The following PARL variants were observed in gnomAD, a reference collection of about 807,000 sequenced individuals.
The protein encoded by PARL is presenilin-associated rhomboid-like protein, mitochondrial.
A neutral mutation model predicts 51.6 loss-of-function variants in PARL; 44 were observed. The observed-to-expected ratio is 0.85, with a 90% CI of 0.67 to 1.10. PARL has a LOEUF of 1.10. Among genes scored for constraint, PARL ranks in the 50% least tolerant of loss-of-function variants. PARL has a pLI of 0.00. For missense variants in PARL, 441 were observed against 469.5 expected (o/e 0.94, Z 0.56); for synonymous variants, 172 against 164.0 (o/e 1.05, Z -0.37).
chr3:183,846,055 T>G (rs1319936657), intron 4 of PARL, among the ~76,000 whole-genome samples: 2 of 152,116 alleles, frequency 1.3e-5, no homozygotes, highest in Admixed American at 1.3e-4. Flanking sequence ...CTGCTTCCTC[T>G]GTCAGTTCCA....
At chr3:183,855,615 A>T (rs1031720399) in intron 4 of PARL, among the ~76,000 whole-genome samples, 2 of 152,226 alleles carry the variant, frequency 1.3e-5, no homozygotes, top group Non-Finnish European at 2.9e-5. Flanking sequence ...TGAAGTAATT[A>T]CACAACTTAT....
chr3:183,873,367 G>A (rs891301297), intron 1 of PARL, among the ~76,000 whole-genome samples: 18 of 151,896 alleles, frequency 1.2e-4, no homozygotes, highest in South Asian at 2.1e-4. Flanking sequence ...TTAGCTGGGC[G>A]TGGTGGCGCA....
chr3:183,871,545 A>C (rs946656471), intron 1 of PARL, among the ~76,000 whole-genome samples: 7 of 65,288 alleles, frequency 1.1e-4, no homozygotes, highest in South Asian at 4.7e-4. Context: ...CTTGGGGGGG[A>C]GGGGTGGGGA....
chr3:183,862,433 T>C (rs558210456), intron 4 of PARL, among the ~76,000 whole-genome samples: 3 of 150,634 alleles, frequency 2.0e-5, no homozygotes, highest in Non-Finnish European at 4.4e-5. Flanking sequence ...ATCCTGAATA[T>C]AGAAGGTACT....
At chr3:183,883,472 G>T in intron 1 of PARL, 1 of 312,718 alleles carries the variant, frequency 3.2e-6, no homozygotes, top group Non-Finnish European at 4.7e-6. Context: ...GTTTTGCAAT[G>T]TTGGCCAGGC....
intron 1 of PARL, among the ~76,000 whole-genome samples, chr3:183,874,904 T>C (rs1733616427): frequency 6.6e-6 from 1 of 152,174 alleles, no homozygotes; most frequent in Admixed American, 6.5e-5. Flanking sequence ...AGATCCTGTC[T>C]CTATAAAAAA....
At chr3:183,880,904 C>T (rs932388486) in intron 1 of PARL, among the ~76,000 whole-genome samples, 4 of 152,118 alleles carry the variant, frequency 2.6e-5, no homozygotes, top group Non-Finnish European at 2.9e-5. Flanking sequence ...CAACCTTCAC[C>T]TTCCGGCCTC....
At chr3:183,846,600 AAAT>A in intron 4 of PARL, 1 of 985,434 alleles carries the variant, frequency 1.0e-6, no homozygotes, top group Non-Finnish European at 1.2e-6. Flanking sequence ...CTTTTCTGAT[AAAT>A]AATGAGTACT....
chr3:183,836,301 T>TA (rs1239561161), intron 7 of PARL, among the ~76,000 whole-genome samples: 31 of 151,596 alleles, frequency 2.0e-4, no homozygotes, highest in Middle Eastern at 3.4e-3. Flanking sequence ...CTCCATCTGT[T>TA]AAAAAAAATT....
chr3:183,860,263 T>C (rs1731657296), intron 4 of PARL, among the ~76,000 whole-genome samples: 1 of 152,160 alleles, frequency 6.6e-6, no homozygotes, highest in Admixed American at 6.5e-5. Context: ...ACATACTAAA[T>C]AAACAGTTTA....
intron 1 of PARL, chr3:183,883,776 C>T: frequency 2.8e-6 from 2 of 710,182 alleles, no homozygotes; most frequent in Non-Finnish European, 3.5e-6. Context: ...ATAGGTTCTT[C>T]CACTCCACCC....
At chr3:183,854,090 C>T (rs1467758767) in intron 4 of PARL, among the ~76,000 whole-genome samples, 2 of 151,752 alleles carry the variant, frequency 1.3e-5, no homozygotes, top group Non-Finnish European at 2.9e-5. Context: ...AAAAAAAATA[C>T]AAAAATTAGC....
Position 183,829,399 on chromosome 3 carries a change from A to G in PARL, c.*199T>C. The G allele has an allele frequency of 1.3e-6, 2 of 1,502,984 alleles. No homozygotes were observed. Among genetic ancestry groups the G allele is most frequent in the Non-Finnish European group, 1.8e-6 (2 of 1,131,056 alleles). The allele number at this position is 1,502,984 out of a possible 1,614,324, so 93.1% of individuals were successfully genotyped here. ...GAACACACACATCTGCTTACAAACTAGATAGAAACCTTTATTTCACAACTT... is the reference window on the plus strand; with the variant it reads ...GAACACACACATCTGCTTACAAACTGGATAGAAACCTTTATTTCACAACTT... On this transcript the variant is annotated 3_prime_UTR_variant, in exon 10 of 10. Transcript: ENST00000317096.
chr3:183,870,794 C>G (rs541762251), intron 1 of PARL, among the ~76,000 whole-genome samples: 1 of 152,304 alleles, frequency 6.6e-6, no homozygotes, highest in Non-Finnish European at 1.5e-5. Context: ...ACCTGTTATA[C>G]TGACTTTCTT....
At chr3:183,882,336 T>TAC (rs567778840) in intron 1 of PARL, among the ~76,000 whole-genome samples, 1 of 143,240 alleles carries the variant, frequency 7.0e-6, no homozygotes, top group Non-Finnish European at 1.5e-5. Flanking sequence ...TACACATATA[T>TAC]ACACACACAT....
intron 9 of PARL, among the ~76,000 whole-genome samples, chr3:183,832,604 C>T (rs888116473): frequency 6.6e-6 from 1 of 152,136 alleles, no homozygotes; most frequent in Admixed American, 6.5e-5. Flanking sequence ...GGGCAAAAGG[C>T]AACATTTATG....
At chr3:183,867,570 A>G (rs1194999590) in intron 2 of PARL, among the ~76,000 whole-genome samples, 7 of 151,982 alleles carry the variant, frequency 4.6e-5, no homozygotes, top group Non-Finnish European at 1.0e-4. Flanking sequence ...CGTGGTGGCC[A>G]GTGCCTACAG....
chr3:183,882,243 A>T (rs1413313614), intron 1 of PARL, among the ~76,000 whole-genome samples: 22 of 22,314 alleles, frequency 9.9e-4, no homozygotes, highest in Admixed American at 1.6e-3. Context: ...ATATATATAT[A>T]TTTATATATA....
intron 7 of PARL, among the ~76,000 whole-genome samples, chr3:183,837,906 G>C (rs1039532542): frequency 6.6e-6 from 1 of 152,102 alleles, no homozygotes; most frequent in Non-Finnish European, 1.5e-5. Flanking sequence ...GAGCCCAGGA[G>C]TTTGAGACCA....
Sources: allele counts gnomAD v4.1 joint callset (sites outside exome capture counted in the v4.1 genomes callset), GRCh38; gene constraint gnomAD v4.1.1; transcripts MANE v1.5; gene names NCBI Gene and HGNC (gene_info 2026-07-23, HGNC 2026-07-21).